The following DTNA variants were observed in gnomAD, a reference collection of about 807,000 sequenced individuals.
DTNA encodes the protein dystrobrevin alpha.
DTNA carries 43 observed loss-of-function variants against 100.7 expected under a neutral mutation model. The ratio of observed to expected loss-of-function variants is 0.43; its 90% CI spans 0.33 to 0.55. The LOEUF is 0.55. DTNA is among the 20% of genes least tolerant of loss of function. The pLI, the probability that DTNA is intolerant of heterozygous loss-of-function variation, is 0.04. For synonymous variants in DTNA, 349 were observed against 347.9 expected (o/e 1.00, Z -0.04); for missense variants, 798 against 953.9 (o/e 0.84, Z 2.15).
At chr18:34,797,128 C>T (rs1422981024) in intron 4 of DTNA, among the ~76,000 whole-genome samples, 1 of 152,140 alleles carries the variant, frequency 6.6e-6, no homozygotes, top group Admixed American at 6.5e-5. Flanking sequence ...TATGCTCATG[C>T]TTGCCATTCT....
At chr18:34,617,289 T>C (rs2147753099) in intron 1 of DTNA, among the ~76,000 whole-genome samples, 1 of 152,316 alleles carries the variant, frequency 6.6e-6, no homozygotes, top group South Asian at 2.1e-4. Context: ...TTTTAAGGCA[T>C]GTTCCTTCAA....
At chr18:34,751,174 G>C (rs1484420724) in intron 1 of DTNA, among the ~76,000 whole-genome samples, 3 of 152,162 alleles carry the variant, frequency 2.0e-5, no homozygotes, top group Non-Finnish European at 2.9e-5. Flanking sequence ...AAAAGCTGAG[G>C]TCCTCTCATC....
intron 1 of DTNA, among the ~76,000 whole-genome samples, chr18:34,627,446 A>T (rs1599264476): frequency 6.6e-6 from 1 of 151,416 alleles, no homozygotes. Context: ...TTCCCAGTCC[A>T]CTCTTCTCAG....
chr18:34,846,573 GTATTCA>G (rs949161717), intron 13 of DTNA, among the ~76,000 whole-genome samples: 34 of 152,110 alleles, frequency 2.2e-4, no homozygotes, highest in Non-Finnish European at 3.4e-4. Context: ...TAGAGTGGAA[GTATTCA>G]TATTAAAACA....
intron 1 of DTNA, among the ~76,000 whole-genome samples, chr18:34,728,224 T>C (rs1200723348): frequency 6.6e-6 from 1 of 152,152 alleles, no homozygotes; most frequent in Admixed American, 6.5e-5. Flanking sequence ...TGTATAATTA[T>C]TGGAGTTTTT....
At chr18:34,841,218 T>C (rs1340864200) in intron 13 of DTNA, among the ~76,000 whole-genome samples, 1 of 152,138 alleles carries the variant, frequency 6.6e-6, no homozygotes, top group African/African-American at 2.4e-5. Flanking sequence ...CCATTATCCA[T>C]CCAAGTTCAT....
intron 21 of DTNA, among the ~76,000 whole-genome samples, chr18:34,882,987 G>A (rs371998885): frequency 7.9e-5 from 12 of 152,236 alleles, no homozygotes; most frequent in Admixed American, 4.6e-4. Flanking sequence ...TGTTCATCAA[G>A]GTATGGACGG....
intron 1 of DTNA, among the ~76,000 whole-genome samples, chr18:34,644,335 T>G (rs991355698): frequency 6.6e-6 from 1 of 152,154 alleles, no homozygotes; most frequent in African/African-American, 2.4e-5. Flanking sequence ...ATGTTAATTA[T>G]TTATGACTAC....
intron 1 of DTNA, among the ~76,000 whole-genome samples, chr18:34,657,353 C>T (rs779473810): frequency 1.6e-4 from 24 of 152,256 alleles, no homozygotes; most frequent in Admixed American, 7.2e-4. Context: ...TGCTCAGCAA[C>T]ACTTGTCAAG....
chr18:34,678,395 G>A (rs1346015113), intron 1 of DTNA, among the ~76,000 whole-genome samples: 1 of 152,112 alleles, frequency 6.6e-6, no homozygotes, highest in African/African-American at 2.4e-5. Flanking sequence ...TGGGGTGGGA[G>A]TCAGAAGCAG....
At chr18:34,510,470 T>C (rs1201571075) in intron 1 of DTNA, among the ~76,000 whole-genome samples, 1 of 152,002 alleles carries the variant, frequency 6.6e-6, no homozygotes, top group Admixed American at 6.6e-5. Flanking sequence ...ATATTTCAGC[T>C]TTCCCTCCTC....
intron 1 of DTNA, among the ~76,000 whole-genome samples, chr18:34,558,292 T>A (rs1191687517): frequency 6.6e-6 from 1 of 152,214 alleles, no homozygotes; most frequent in Non-Finnish European, 1.5e-5. Context: ...GAGATGAACC[T>A]GGTACCTCAG....
intron 1 of DTNA, among the ~76,000 whole-genome samples, chr18:34,575,127 C>A (rs1165456468): frequency 6.6e-6 from 1 of 152,170 alleles, no homozygotes; most frequent in Non-Finnish European, 1.5e-5. Flanking sequence ...GAGTCTCTTT[C>A]CTGTAAGGTG....
At chr18:34,868,199 A>G (rs1309208751) in intron 17 of DTNA, 3 of 330,718 alleles carry the variant, frequency 9.1e-6, no homozygotes, top group Non-Finnish European at 1.3e-5. Flanking sequence ...TTATCAGTAC[A>G]GAAATACCAC....
intron 1 of DTNA, among the ~76,000 whole-genome samples, chr18:34,616,049 A>G (rs1315019924): frequency 6.6e-6 from 1 of 152,220 alleles, no homozygotes; most frequent in Non-Finnish European, 1.5e-5. Flanking sequence ...CAGTTAACAT[A>G]CATGTGCATG....
chr18:34,604,377 A>G (rs112991002), intron 1 of DTNA, among the ~76,000 whole-genome samples: 2,805 of 152,294 alleles, frequency 0.018, 42 homozygotes, highest in Non-Finnish European at 0.028. Flanking sequence ...AATTCTTAGC[A>G]CACATTTTTT....
chr18:34,847,149 A>C (rs1265567230), intron 13 of DTNA, among the ~76,000 whole-genome samples: 2 of 152,196 alleles, frequency 1.3e-5, no homozygotes, highest in Non-Finnish European at 1.5e-5. Flanking sequence ...CCCAAAACTT[A>C]GTCTTGAATG....
chr18:34,595,187 A>T (rs1567974383), intron 1 of DTNA, among the ~76,000 whole-genome samples: 1 of 152,230 alleles, frequency 6.6e-6, no homozygotes, highest in Non-Finnish European at 1.5e-5. Context: ...ATAAGAATGA[A>T]CCTGGCAGAA....
intron 17 of DTNA, among the ~76,000 whole-genome samples, chr18:34,873,772 G>C (rs1380276177): frequency 2.0e-5 from 3 of 152,240 alleles, no homozygotes; most frequent in Non-Finnish European, 4.4e-5. Context: ...CAAGGATGCA[G>C]TGGTAGCTCA....
Sources: gnomAD v4.1 joint callset for allele counts (sites outside exome capture counted in the v4.1 genomes callset) on GRCh38, gnomAD v4.1.1 for gene constraint, MANE v1.5 for transcripts, NCBI Gene and HGNC (gene_info 2026-07-23, HGNC 2026-07-21) for gene names.